Variants in LRMDA observed in about 807,000 individuals in gnomAD.
LRMDA encodes leucine rich melanocyte differentiation associated, also known as leucine-rich melanocyte differentiation-associated protein.
A neutral mutation model predicts 29.8 loss-of-function variants in LRMDA; 18 were observed. That is an observed-to-expected ratio of 0.60 (90% CI 0.42 to 0.90). The LOEUF is 0.90. Among genes scored for constraint, LRMDA ranks in the 40% least tolerant of loss-of-function variants. The probability of loss-of-function intolerance (pLI) is 0.00; values close to 1 mark genes in which losing one functional copy is unlikely to be tolerated. For missense variants in LRMDA, 273 were observed against 273.9 expected (o/e 1.00, Z 0.02); for synonymous variants, 125 against 109.4 (o/e 1.14, Z -0.89).
At chr10:76,524,350 C>A (rs1386496748) in intron 6 of LRMDA, among the ~76,000 whole-genome samples, 1 of 152,126 alleles carries the variant, frequency 6.6e-6, no homozygotes, top group South Asian at 2.1e-4. Flanking sequence ...CGTTTGGAGA[C>A]GTGGTGCAGC....
chr10:75,733,916 A>T (rs1339228590), intron 2 of LRMDA, among the ~76,000 whole-genome samples: 1 of 152,216 alleles, frequency 6.6e-6, no homozygotes, highest in Non-Finnish European at 1.5e-5. Flanking sequence ...ATGGACTTTT[A>T]TCGGTAGTAG....
intron 2 of LRMDA, among the ~76,000 whole-genome samples, chr10:75,486,500 C>T (rs1314028141): frequency 6.6e-6 from 1 of 152,160 alleles, no homozygotes; most frequent in African/African-American, 2.4e-5. Flanking sequence ...TTTGATCTTG[C>T]TCCACAAAAT....
chr10:76,101,085 G>A (rs1378124762), intron 5 of LRMDA, among the ~76,000 whole-genome samples: 1 of 152,074 alleles, frequency 6.6e-6, no homozygotes, highest in African/African-American at 2.4e-5. Context: ...AAATTATCCA[G>A]CTCTTTTTTT....
intron 2 of LRMDA, among the ~76,000 whole-genome samples, chr10:75,733,068 ATAG>A (rs1399998132): frequency 6.6e-6 from 1 of 152,230 alleles, no homozygotes; most frequent in African/African-American, 2.4e-5. Flanking sequence ...ACCAGTGTTC[ATAG>A]TAATCCAGTG....
At chr10:76,412,606 A>T (rs1048847406) in intron 6 of LRMDA, among the ~76,000 whole-genome samples, 3 of 152,326 alleles carry the variant, frequency 2.0e-5, no homozygotes, top group Admixed American at 6.5e-5. Context: ...CCTTACATAC[A>T]AAGCAGTATG....
Position 76,036,124 on chromosome 10 carries a change from A to G in LRMDA, c.248A>G (p.Asn83Ser). ...GLPRLHTLTL[N>S]KNRITDLENL... ...CCCAGACTGCATACCTTAACCCTCA[A>G]CAAGAACCGAATATCCTTTCCTCTG... The change falls in exon 3 of 7, where the codon AAC becomes AGC. Residue 83 changes from asparagine to serine, a missense_variant. Coordinates refer to ENST00000611255, the MANE Select transcript of LRMDA (RefSeq NM_001305581.2). The G allele has an allele frequency of 6.2e-7, 1 of 1,613,618 alleles. No individual in the cohort carries two copies. The highest frequency in any genetic ancestry group is 8.5e-7 in the Non-Finnish European group (1 of 1,179,952).
chr10:75,651,696 C>G (rs554808961), intron 2 of LRMDA, among the ~76,000 whole-genome samples: 1 of 152,182 alleles, frequency 6.6e-6, no homozygotes, highest in East Asian at 1.9e-4. Context: ...TCCCGGTGGC[C>G]CAAAAGGAAG....
chr10:76,377,155 G>T (rs1841532088), intron 6 of LRMDA, among the ~76,000 whole-genome samples: 1 of 151,948 alleles, frequency 6.6e-6, no homozygotes, highest in Non-Finnish European at 1.5e-5. Flanking sequence ...AAAGTGCTGG[G>T]ATTACAGGTG....
chr10:76,074,421 A>G (rs1001651409), intron 5 of LRMDA, among the ~76,000 whole-genome samples: 2 of 152,172 alleles, frequency 1.3e-5, no homozygotes, highest in African/African-American at 4.8e-5. Context: ...CAGCAGAGCT[A>G]TTAAGGCTAA....
chr10:76,065,281 C>T (rs931560691), intron 5 of LRMDA, among the ~76,000 whole-genome samples: 9 of 152,078 alleles, frequency 5.9e-5, no homozygotes, highest in African/African-American at 2.2e-4. Context: ...GGGTAGCAAC[C>T]CTCTAAAATA....
intron 5 of LRMDA, among the ~76,000 whole-genome samples, chr10:76,136,522 T>C (rs895861162): frequency 6.6e-6 from 1 of 152,156 alleles, no homozygotes; most frequent in Non-Finnish European, 1.5e-5. Context: ...TATTACCTAA[T>C]ATGTGCAAAT....
At chr10:75,795,790 T>C (rs1218754389) in intron 2 of LRMDA, among the ~76,000 whole-genome samples, 7 of 152,214 alleles carry the variant, frequency 4.6e-5, no homozygotes, top group Non-Finnish European at 8.8e-5. Flanking sequence ...TAAAAAAGCC[T>C]GTGGGGTTTT....
chr10:76,358,011 G>A (rs1841263714), intron 6 of LRMDA, among the ~76,000 whole-genome samples: 2 of 152,174 alleles, frequency 1.3e-5, no homozygotes, highest in South Asian at 4.1e-4. Flanking sequence ...TGACAACAAA[G>A]TCCTCTCTAG....
chr10:76,221,442 A>G (rs1851833334), intron 5 of LRMDA, among the ~76,000 whole-genome samples: 1 of 152,184 alleles, frequency 6.6e-6, no homozygotes, highest in Non-Finnish European at 1.5e-5. Context: ...TACAAAACCA[A>G]TGTACAAAAA....
intron 2 of LRMDA, among the ~76,000 whole-genome samples, chr10:76,030,409 G>A (rs935582596): frequency 3.3e-5 from 5 of 151,970 alleles, no homozygotes; most frequent in South Asian, 4.1e-4. Flanking sequence ...ATAGAGTTAC[G>A]TATCTATGTC....
Position 75,448,597 on chromosome 10 carries a change from C to T in LRMDA, c.131+10103C>T, listed in dbSNP as rs75485756. ...ATTGTCACAGTGATGGGGGTGGGCT[C>T]TATTAGCATTTAGTGGGTGAGGCCA... On this transcript the variant is annotated intron_variant, in intron 2 of 6. Transcript: ENST00000611255. 2.1e-3 allele frequency among the ~76,000 whole-genome samples: 319 copies of T among 152,260 alleles called. 1 individual carries two copies. The highest frequency in any genetic ancestry group is 7.2e-3 in the African/African-American group (301 of 41,558).
intron 6 of LRMDA, among the ~76,000 whole-genome samples, chr10:76,390,162 A>AT (rs1350946164): frequency 2.6e-5 from 4 of 152,002 alleles, no homozygotes; most frequent in African/African-American, 9.7e-5. Flanking sequence ...TTATTTTCTG[A>AT]TTTTTGCTTG....
At chr10:75,989,208 T>C (rs1406491007) in intron 2 of LRMDA, among the ~76,000 whole-genome samples, 3 of 152,262 alleles carry the variant, frequency 2.0e-5, no homozygotes, top group Non-Finnish European at 4.4e-5. Flanking sequence ...ACTATGACTG[T>C]ATTAGTCCAT....
chr10:76,463,802 A>G (rs1288977053), intron 6 of LRMDA, among the ~76,000 whole-genome samples: 3 of 151,914 alleles, frequency 2.0e-5, no homozygotes, highest in Admixed American at 2.0e-4. Flanking sequence ...TGTATTATGT[A>G]TCTCCCCAAA....
Sources: gnomAD v4.1 joint callset for allele counts (sites outside exome capture counted in the v4.1 genomes callset) on GRCh38, gnomAD v4.1.1 for gene constraint, MANE v1.5 for transcripts, NCBI Gene and HGNC (gene_info 2026-07-23, HGNC 2026-07-21) for gene names.